NDUFB2: variants seen among roughly 807,000 people sequenced by gnomAD.
NDUFB2 encodes NADH dehydrogenase [ubiquinone] 1 beta subcomplex subunit 2, mitochondrial.
Under a neutral mutation model 13.4 loss-of-function variants are expected in NDUFB2, and 13 were observed. That is an observed-to-expected ratio of 0.97 (90% CI 0.63 to 1.54). NDUFB2 has a LOEUF of 1.54. NDUFB2 is among the 40% of genes most tolerant of loss of function. NDUFB2 has a pLI of 0.00. For missense variants in NDUFB2, 150 were observed against 139.7 expected (o/e 1.07, Z -0.37); for synonymous variants, 47 against 50.6 (o/e 0.93, Z 0.30).
chr7:140,698,111 T>C, intron 1 of NDUFB2: 1 of 1,350,850 alleles, frequency 7.4e-7, no homozygotes, highest in Non-Finnish European at 9.8e-7. Context: ...GTGACTTGCC[T>C]GAAGTCCCAC....
At chr7:140,699,589 G>T (rs1794868338) in intron 1 of NDUFB2, among the ~76,000 whole-genome samples, 2 of 152,080 alleles carry the variant, frequency 1.3e-5, no homozygotes, top group Admixed American at 6.6e-5. Context: ...GCTTTATTCA[G>T]TGACCTCGTC....
intron 2 of NDUFB2, 87 bp from the exon 3 acceptor site, chr7:140,704,773 T>C: frequency 1.0e-6 from 1 of 964,884 alleles, no homozygotes; most frequent in East Asian, 2.7e-5. Context: ...TTTTTTTTTT[T>C]TTCTTTCCAA....
chr7:140,703,138 A>G (rs940233999), intron 2 of NDUFB2, 128 bp downstream of exon 2: 8 of 1,080,294 alleles, frequency 7.4e-6, no homozygotes, highest in Non-Finnish European at 1.1e-5. Flanking sequence ...CACTTTTTCC[A>G]TATGTATATA....
intron 1 of NDUFB2, among the ~76,000 whole-genome samples, chr7:140,699,635 G>A (rs536039949): frequency 1.3e-4 from 20 of 151,834 alleles, no homozygotes; most frequent in Non-Finnish European, 2.8e-4. Context: ...CCCAGGCTGC[G>A]TCTCTTTCCC....
Position 140,702,852 on chromosome 7 carries a change from G to A in NDUFB2, c.99-14G>A. ...AATGTAGCACGCTGTCTGCCATGTT[G>A]TTTTGTCTTGCAGTGCCGGTGGTGG... On this transcript the variant is annotated splice_polypyrimidine_tract_variant and intron_variant, in intron 1 of 3. Transcript: ENST00000247866. The A allele has an allele frequency of 6.2e-7, 1 of 1,613,756 alleles. No individual in the cohort carries two copies. Among genetic ancestry groups the A allele is most frequent in the Non-Finnish European group, 8.5e-7 (1 of 1,179,798 alleles).
intron 1 of NDUFB2, chr7:140,702,425 T>G (rs1266168237): frequency 4.3e-6 from 1 of 234,128 alleles, no homozygotes; most frequent in Non-Finnish European, 8.2e-6. Context: ...GCGAGTCCTC[T>G]CTCCCATATG....
intron 1 of NDUFB2, 188 bp from the exon 2 acceptor site, chr7:140,702,678 T>G (rs1794912811): frequency 6.2e-6 from 4 of 646,326 alleles, no homozygotes; most frequent in Non-Finnish European, 7.4e-6. Flanking sequence ...TTTGGTCAGT[T>G]TTTGCTGCTA....
chr7:140,698,759 C>T (rs1794854527), intron 1 of NDUFB2, among the ~76,000 whole-genome samples: 11 of 151,780 alleles, frequency 7.2e-5, no homozygotes, highest in Admixed American at 7.2e-4. Flanking sequence ...GTGTGGGGGC[C>T]GGATTAGAGG....
intron 3 of NDUFB2, 180 bp downstream of exon 3, chr7:140,705,143 A>G: frequency 2.7e-6 from 1 of 376,820 alleles, no homozygotes; most frequent in Non-Finnish European, 4.6e-6. Context: ...TCTGTCGCCC[A>G]GACTGGAGTG....
chr7:140,702,660 T>G (rs564451658), intron 1 of NDUFB2: 1 of 518,500 alleles, frequency 1.9e-6, no homozygotes, highest in South Asian at 4.2e-5. Flanking sequence ...AATTAGCCTC[T>G]TGTCAGTTTT....
intron 1 of NDUFB2, chr7:140,701,844 G>T: frequency 2.2e-6 from 1 of 450,460 alleles, no homozygotes; most frequent in South Asian, 3.5e-5. Context: ...GCTGAGGCAG[G>T]AGGATCGCTT....
chr7:140,696,992 C>A, intron 1 of NDUFB2, 150 bp downstream of exon 1: 1 of 713,154 alleles, frequency 1.4e-6, no homozygotes, highest in Non-Finnish European at 2.3e-6. Flanking sequence ...GAAGCCGCGA[C>A]TCGAGGAGAG....
intron 2 of NDUFB2, among the ~76,000 whole-genome samples, chr7:140,704,532 T>C (rs917785606): frequency 6.6e-6 from 1 of 152,160 alleles, no homozygotes; most frequent in African/African-American, 2.4e-5. Context: ...TGGAAACATA[T>C]TTTGCCAGGA....
At chr7:140,697,369 T>C (rs762425223) in intron 1 of NDUFB2, 1 of 702,860 alleles carries the variant, frequency 1.4e-6, no homozygotes, top group South Asian at 1.5e-5. Context: ...GTGGAGGCTG[T>C]CGCCCAGAGA....
At chr7:140,702,298 G>A (rs552617179) in intron 1 of NDUFB2, among the ~76,000 whole-genome samples, 427 of 152,204 alleles carry the variant, frequency 2.8e-3, no homozygotes, top group South Asian at 5.4e-3. Flanking sequence ...TAACTCTTAT[G>A]GACTCTGTGC....
At chr7:140,705,888 C>T (rs1341429653) in intron 3 of NDUFB2, among the ~76,000 whole-genome samples, 1 of 152,042 alleles carries the variant, frequency 6.6e-6, no homozygotes, top group African/African-American at 2.4e-5. Context: ...TTTCATTTTC[C>T]AGGTCAGGAA....
At chr7:140,706,105 G>GTTATA (rs1563216407) in intron 3 of NDUFB2, 2 of 150,232 alleles carry the variant, frequency 1.3e-5, no homozygotes, top group African/African-American at 4.9e-5. Context: ...GTTATGTTAT[G>GTTATA]TTATTTGAGA....
chr7:140,704,222 T>C (rs1014292401), intron 2 of NDUFB2, among the ~76,000 whole-genome samples: 10 of 152,186 alleles, frequency 6.6e-5, no homozygotes, highest in African/African-American at 2.4e-4. Flanking sequence ...AGGAAAAAAA[T>C]CTTAAGCAGT....
At chr7:140,697,474 G>A in intron 1 of NDUFB2, 1 of 696,224 alleles carries the variant, frequency 1.4e-6, no homozygotes. Context: ...CCCGCGAGGT[G>A]GCCCGAGACG....
Sources: allele counts gnomAD v4.1 joint callset (sites outside exome capture counted in the v4.1 genomes callset), GRCh38; gene constraint gnomAD v4.1.1; transcripts MANE v1.5; gene names NCBI Gene and HGNC (gene_info 2026-07-23, HGNC 2026-07-21).